Variants in KLHL1 observed in about 807,000 individuals in gnomAD.
KLHL1 encodes the protein kelch-like protein 1.
Under a neutral mutation model 77.7 loss-of-function variants are expected in KLHL1, and 47 were observed. The ratio of observed to expected loss-of-function variants is 0.60; its 90% CI spans 0.48 to 0.77. KLHL1 has a LOEUF of 0.77. Among genes scored for constraint, KLHL1 ranks in the 30% least tolerant of loss-of-function variants. KLHL1 has a pLI of 0.00. For synonymous variants in KLHL1, 360 were observed against 325.2 expected, an observed-to-expected ratio of 1.11 and a Z score of -1.15; for missense variants, 925 against 910.8, an observed-to-expected ratio of 1.02 and a Z score of -0.20.
chr13:69,737,400 C>T (rs947266715), intron 8 of KLHL1, among the ~76,000 whole-genome samples: 1 of 152,242 alleles, frequency 6.6e-6, no homozygotes, highest in Non-Finnish European at 1.5e-5. Context: ...AGTGGCCTCG[C>T]TCCCACGGAA....
At chr13:69,808,708 G>C (rs988214423) in intron 6 of KLHL1, among the ~76,000 whole-genome samples, 2 of 152,016 alleles carry the variant, frequency 1.3e-5, no homozygotes, top group African/African-American at 4.8e-5. Flanking sequence ...CCAAGCAATG[G>C]ATCCTAACCA....
At chr13:69,719,643 A>C in intron 8 of KLHL1, 62 bp from the exon 9 acceptor site, 3 of 1,314,740 alleles carry the variant, frequency 2.3e-6, no homozygotes, top group Non-Finnish European at 3.2e-6. Context: ...AATATAGAAA[A>C]GGTCCTTTAA....
intron 1 of KLHL1, among the ~76,000 whole-genome samples, chr13:70,035,519 T>G (rs1886217398): frequency 6.6e-6 from 1 of 152,032 alleles, no homozygotes; most frequent in Non-Finnish European, 1.5e-5. Context: ...TAAGATCTAG[T>G]ATTTGATAGT....
At chr13:69,772,786 G>C (rs886470841) in intron 7 of KLHL1, among the ~76,000 whole-genome samples, 16 of 152,132 alleles carry the variant, frequency 1.1e-4, no homozygotes, top group Non-Finnish European at 2.9e-5. Flanking sequence ...GCCTTAAAAA[G>C]AGCCTGTGTC....
chr13:70,037,569 T>G (rs1383742380), intron 1 of KLHL1, among the ~76,000 whole-genome samples: 1 of 152,094 alleles, frequency 6.6e-6, no homozygotes, highest in Non-Finnish European at 1.5e-5. Context: ...TCTAAATAAC[T>G]TTTACCTTGG....
intron 1 of KLHL1, among the ~76,000 whole-genome samples, chr13:70,056,142 G>A (rs962913673): frequency 6.6e-6 from 1 of 151,648 alleles, no homozygotes; most frequent in Non-Finnish European, 1.5e-5. Flanking sequence ...ATAAAGCAAT[G>A]GAAAAAAGAT....
Position 69,792,708 on chromosome 13 carries a change from C to T in KLHL1, c.1639+4030G>A, listed in dbSNP as rs1010175172. Among the ~76,000 whole-genome samples the T allele has an allele frequency of 5.9e-5, 9 of 152,004 alleles. No homozygotes were observed. The South Asian group carries it at 1.2e-3, about 21-fold the overall frequency. ...TAATGGAATATTGTTCATCCATAAACGGAATGAAATATCGATATACACTAC... is the reference window on the plus strand; with the variant it reads ...TAATGGAATATTGTTCATCCATAAATGGAATGAAATATCGATATACACTAC... On this transcript the variant is annotated intron_variant, in intron 7 of 10. Coordinates refer to ENST00000377844, the MANE Select transcript of KLHL1 (RefSeq NM_020866.3).
At chr13:69,878,732 A>G (rs1475674005) in intron 5 of KLHL1, among the ~76,000 whole-genome samples, 2 of 151,562 alleles carry the variant, frequency 1.3e-5, no homozygotes, top group East Asian at 3.9e-4. Context: ...AGAGAGAGAG[A>G]GAGTGAGAGA....
At chr13:69,751,096 T>C (rs2137948067) in intron 7 of KLHL1, among the ~76,000 whole-genome samples, 1 of 148,210 alleles carries the variant, frequency 6.7e-6, no homozygotes, top group Admixed American at 6.7e-5. Context: ...ATATCTTTCA[T>C]TCATGTCATG....
At chr13:69,733,208 T>C (rs1873625473) in intron 8 of KLHL1, among the ~76,000 whole-genome samples, 1 of 151,436 alleles carries the variant, frequency 6.6e-6, no homozygotes, top group Admixed American at 6.6e-5. Context: ...AAAGTTTGGG[T>C]TATACAAACA....
chr13:69,938,868 CTG>C (rs1481203852), intron 4 of KLHL1, among the ~76,000 whole-genome samples: 1 of 151,968 alleles, frequency 6.6e-6, no homozygotes, highest in East Asian at 1.9e-4. Flanking sequence ...TTTTGAAACT[CTG>C]TTTCAAAATG....
intron 1 of KLHL1, among the ~76,000 whole-genome samples, chr13:70,087,074 T>C (rs1887561982): frequency 6.6e-6 from 1 of 152,036 alleles, no homozygotes; most frequent in Admixed American, 6.5e-5. Flanking sequence ...TTGCGTACAG[T>C]CCAGTGAGAG....
At chr13:69,972,935 G>T (rs1429797361) in intron 2 of KLHL1, among the ~76,000 whole-genome samples, 1 of 151,744 alleles carries the variant, frequency 6.6e-6, no homozygotes, top group Admixed American at 6.6e-5. Context: ...AAAAATTTTT[G>T]ATGTTTGAAA....
intron 5 of KLHL1, among the ~76,000 whole-genome samples, chr13:69,855,401 T>G (rs76384456): frequency 1.7e-5 from 2 of 116,008 alleles, no homozygotes; most frequent in African/African-American, 4.1e-5. Flanking sequence ...TAGAGATAGA[T>G]AGAGATACAG....
chr13:69,777,088 TAGTA>T (rs1411638440), intron 7 of KLHL1, among the ~76,000 whole-genome samples: 6 of 152,076 alleles, frequency 3.9e-5, no homozygotes, highest in Non-Finnish European at 7.4e-5. Flanking sequence ...GTTCTCATGA[TAGTA>T]AGTCACACGA....
chr13:69,761,542 G>A (rs1875020666), intron 7 of KLHL1, among the ~76,000 whole-genome samples: 1 of 152,130 alleles, frequency 6.6e-6, no homozygotes, highest in Non-Finnish European at 1.5e-5. Flanking sequence ...TATATATAAG[G>A]TTGGTGGACA....
chr13:69,834,205 A>G (rs1426490848), intron 6 of KLHL1, among the ~76,000 whole-genome samples: 2 of 151,960 alleles, frequency 1.3e-5, no homozygotes, highest in African/African-American at 4.8e-5. Flanking sequence ...ATCTATGTAA[A>G]CCAAACACAC....
rs996858966 is a variant in KLHL1, at chr13:69,821,083, T to C, written c.1414+17893A>G. On this transcript the variant is annotated intron_variant, in intron 6 of 10. Coordinates refer to ENST00000377844, the MANE Select transcript of KLHL1 (RefSeq NM_020866.3). ...AATGAAAGTTTATGAACATTAAAATTTGAATTTTAAAAAAATAAAAATTTC... is the reference window on the plus strand; with the variant it reads ...AATGAAAGTTTATGAACATTAAAATCTGAATTTTAAAAAAATAAAAATTTC... Among the ~76,000 whole-genome samples the C allele has an allele frequency of 5.9e-5, 9 of 152,184 alleles. No homozygotes were observed. The East Asian group carries it at 1.7e-3, about 29-fold the overall frequency.
chr13:69,726,643 T>G (rs1043906827), intron 8 of KLHL1, among the ~76,000 whole-genome samples: 1 of 152,062 alleles, frequency 6.6e-6, no homozygotes, highest in Non-Finnish European at 1.5e-5. Context: ...ATACCCAAAT[T>G]TATGAAAAGA....
Sources: allele counts gnomAD v4.1 joint callset (sites outside exome capture counted in the v4.1 genomes callset), GRCh38; gene constraint gnomAD v4.1.1; transcripts MANE v1.5; gene names NCBI Gene and HGNC (gene_info 2026-07-23, HGNC 2026-07-21).